Variants in TBC1D10A observed in about 807,000 individuals in gnomAD.
TBC1D10A encodes the protein EBP50-PDX interactor of 64 kDa.
A neutral mutation model predicts 52.9 loss-of-function variants in TBC1D10A; 24 were observed. The ratio of observed to expected loss-of-function variants is 0.45; its 90% CI spans 0.33 to 0.64. The LOEUF is 0.64. Among genes scored for constraint, TBC1D10A ranks in the 30% least tolerant of loss-of-function variants. The pLI is 0.02. For synonymous variants in TBC1D10A, 278 were observed against 282.9 expected (o/e 0.98, Z 0.17); for missense variants, 602 against 687.9 (o/e 0.88, Z 1.40).
chr22:30,322,293 C>CA (rs1424861997), intron 1 of TBC1D10A, among the ~76,000 whole-genome samples: 2 of 152,054 alleles, frequency 1.3e-5, no homozygotes, highest in Admixed American at 6.6e-5. Context: ...TCCTGGGCTT[C>CA]AATGCCCCAC....
At chr22:30,325,516 A>G (rs1168957362) in intron 1 of TBC1D10A, among the ~76,000 whole-genome samples, 2 of 152,136 alleles carry the variant, frequency 1.3e-5, no homozygotes, top group Non-Finnish European at 2.9e-5. Flanking sequence ...ACACATCAGG[A>G]GGGAGTCTTG....
At chr22:30,314,083 A>G (rs575617106) in intron 1 of TBC1D10A, among the ~76,000 whole-genome samples, 1 of 152,334 alleles carries the variant, frequency 6.6e-6, no homozygotes, top group African/African-American at 2.4e-5. Context: ...TCTAATTATC[A>G]ACTCCCTTTT....
At chr22:30,302,521 G>A (rs1032284937) in intron 2 of TBC1D10A, among the ~76,000 whole-genome samples, 6 of 152,180 alleles carry the variant, frequency 3.9e-5, no homozygotes, top group African/African-American at 1.4e-4. Context: ...TACTTCCTGT[G>A]CCACGACTTC....
At position 30,292,776 on chromosome 22, in the gene TBC1D10A, G is replaced by A. The variant is rs147299631; in HGVS notation, c.1126C>T (p.Arg376Trp). ...LIQLRRWQET[R>W]GELQCRSPPR... ...GGGGAGCGGCACTGCAGCTCACCCC[G>A]GGTCTCCTGCCAGCGCCGCAGCTGA... The change falls in exon 9 of 9, where the codon CGG becomes TGG. Residue 376 changes from arginine (R) to tryptophan (W), a missense_variant. Physicochemically the swap from Arg to Trp is moderately radical, Grantham distance 101 (BLOSUM62 -3). Around this residue, in one of 3 missense-constraint regions of TBC1D10A, gnomAD observed 265 missense variants for 275.1 expected, o/e 0.96. Transcript: ENST00000215790. The A allele has an allele frequency of 2.2e-4, 350 of 1,612,094 alleles. 1 individual carries two copies. The highest frequency in any genetic ancestry group is 3.8e-4 in the Middle Eastern group (2 of 5,294).
intron 1 of TBC1D10A, chr22:30,318,911 A>C: frequency 5.5e-5 from 18 of 329,148 alleles, no homozygotes; most frequent in Middle Eastern, 6.1e-4. Context: ...CGCCCAACCC[A>C]TTTCCTGGAC....
At chr22:30,308,912 T>A (rs1930371517) in intron 1 of TBC1D10A, among the ~76,000 whole-genome samples, 1 of 152,180 alleles carries the variant, frequency 6.6e-6, no homozygotes, top group African/African-American at 2.4e-5. Flanking sequence ...CTTGGCCTGA[T>A]CAGAAAGGTT....
intron 6 of TBC1D10A, 151 bp from the exon 7 acceptor site, chr22:30,294,261 G>A: frequency 1.2e-6 from 1 of 865,714 alleles, no homozygotes; most frequent in Non-Finnish European, 1.7e-6. Flanking sequence ...AGGATACAAT[G>A]ATGAGCAAAG....
intron 1 of TBC1D10A, among the ~76,000 whole-genome samples, chr22:30,316,329 A>G (rs901619611): frequency 6.6e-6 from 1 of 152,028 alleles, no homozygotes; most frequent in African/African-American, 2.4e-5. Context: ...CAATCAATCA[A>G]TCAGAGATGT....
intron 2 of TBC1D10A, among the ~76,000 whole-genome samples, chr22:30,302,460 T>C (rs1215288435): frequency 6.6e-6 from 1 of 152,208 alleles, no homozygotes; most frequent in Non-Finnish European, 1.5e-5. Context: ...GGACTATGTA[T>C]GAGTCCAGGA....
intron 1 of TBC1D10A, chr22:30,318,695 A>T (rs740219): frequency 2.1e-6 from 1 of 471,016 alleles, no homozygotes; most frequent in African/African-American, 2.0e-5. Context: ...TGAACCAAGC[A>T]CTAATGATTT....
intron 2 of TBC1D10A, 55 bp from the exon 3 acceptor site, chr22:30,299,606 C>T (rs964869007): frequency 1.3e-6 from 2 of 1,551,530 alleles, no homozygotes; most frequent in African/African-American, 1.4e-5. Context: ...GCTCCCCTAG[C>T]CCAGCCCCTC....
intron 1 of TBC1D10A, chr22:30,305,486 C>T (rs905630865): frequency 3.9e-5 from 6 of 152,266 alleles, no homozygotes; most frequent in Admixed American, 6.5e-5. Context: ...GGAAAGGTAT[C>T]TTGCTTAGCG....
chr22:30,295,143 C>T lies in TBC1D10A; in HGVS notation c.525-88G>A, dbSNP rs1024656188. On this transcript the variant is annotated intron_variant, in intron 4 of 8. Transcript: ENST00000215790. ...TATGCCCCAGTGGACCAGCCAGCCT[C>T]AGAATCTGCCCCTCCCTTGAGAGGG... 6.2e-6 allele frequency: 8 copies of T among 1,287,174 alleles called. No homozygotes were observed. In the African/African-American group the frequency reaches 1.2e-4, roughly 19 times the overall value. The allele number at this position is 1,287,174 out of a possible 1,614,324, so 79.7% of individuals were successfully genotyped here. A position where few individuals can be genotyped will look rare whatever the true frequency, so the allele number is the denominator to read the frequency against.
chr22:30,314,921 C>T (rs1930503645), intron 1 of TBC1D10A, among the ~76,000 whole-genome samples: 1 of 152,114 alleles, frequency 6.6e-6, no homozygotes, highest in African/African-American at 2.4e-5. Context: ...AAGTGACTAC[C>T]ACCACCCAGG....
intron 1 of TBC1D10A, among the ~76,000 whole-genome samples, chr22:30,313,259 C>A (rs1291672814): frequency 6.6e-6 from 1 of 151,442 alleles, no homozygotes; most frequent in African/African-American, 2.4e-5. Flanking sequence ...CATGAGAAGG[C>A]GCGTTCCTGG....
intron 1 of TBC1D10A, among the ~76,000 whole-genome samples, chr22:30,306,883 GCTAT>G (rs1218245641): frequency 6.6e-6 from 1 of 152,146 alleles, no homozygotes; most frequent in Non-Finnish European, 1.5e-5. Context: ...AACATTGCAG[GCTAT>G]CTATTTTTTT....
chr22:30,298,728 T>C (rs540275845), intron 3 of TBC1D10A: 1 of 152,368 alleles, frequency 6.6e-6, no homozygotes, highest in Non-Finnish European at 1.5e-5. Context: ...GGGAGCAGGC[T>C]GGAGGAGCTG....
chr22:30,324,913 T>C (rs898013808), intron 1 of TBC1D10A, among the ~76,000 whole-genome samples: 2 of 152,210 alleles, frequency 1.3e-5, no homozygotes, highest in Non-Finnish European at 2.9e-5. Flanking sequence ...TCTGGTTGAT[T>C]GCCTGATAAG....
intron 1 of TBC1D10A, among the ~76,000 whole-genome samples, chr22:30,324,842 G>C (rs1290156887): frequency 6.6e-6 from 1 of 152,184 alleles, no homozygotes; most frequent in Non-Finnish European, 1.5e-5. Context: ...CACAAAGCTA[G>C]CAAGTGTAAT....
Sources: gnomAD v4.1 joint callset for allele counts (sites outside exome capture counted in the v4.1 genomes callset) on GRCh38, gnomAD v4.1.1 for gene constraint, gnomAD v4.1.1 regional missense constraint, MANE v1.5 for transcripts, NCBI Gene and HGNC (gene_info 2026-07-23, HGNC 2026-07-21) for gene names.